Variants in ARSJ observed in about 807,000 individuals in gnomAD.
The protein encoded by ARSJ is arylsulfatase J.
A neutral mutation model predicts 35.9 loss-of-function variants in ARSJ; 26 were observed. The observed-to-expected ratio is 0.72, with a 90% CI of 0.53 to 1.00. ARSJ has a LOEUF of 1.00. Ranked by LOEUF, ARSJ falls within the 50% of genes least tolerant of loss-of-function variation. The probability of loss-of-function intolerance (pLI) is 0.00; values close to 1 mark genes in which losing one functional copy is unlikely to be tolerated. For synonymous variants in ARSJ, 294 were observed against 267.6 expected (o/e 1.10, Z -0.96); for missense variants, 667 against 723.6 (o/e 0.92, Z 0.90).
At chr4:113,973,362 G>A (rs190117052) in intron 1 of ARSJ, among the ~76,000 whole-genome samples, 51 of 152,142 alleles carry the variant, frequency 3.4e-4, no homozygotes, top group Middle Eastern at 3.4e-3. Flanking sequence ...TTAATTTATT[G>A]ACCTCAGCAC....
intron 1 of ARSJ, among the ~76,000 whole-genome samples, chr4:113,921,205 T>G (rs1723657307): frequency 6.6e-6 from 1 of 151,750 alleles, no homozygotes; most frequent in African/African-American, 2.4e-5. Flanking sequence ...CATAAAAAAT[T>G]GATTACAAGC....
Position 113,902,781 on chromosome 4 carries a change from A to AT in ARSJ, c.1292dup (p.Asn431LysfsTer53), listed in dbSNP as rs1562327720. On this transcript the variant is annotated frameshift_variant, in exon 2 of 2. Transcript: ENST00000315366. LOFTEE classifies it high-confidence loss of function. ...TCCCATAGCCTGCTGCCCAGGAGCC[A>AT]TTTTTTGCCTTGGTGTATATGGGGT... The AT allele has an allele frequency of 1.2e-6, 2 of 1,614,132 alleles. No individual in the cohort carries two copies. The highest frequency in any genetic ancestry group is 2.2e-5 in the East Asian group (1 of 44,874).
chr4:113,979,043 T>A lies in ARSJ; in HGVS notation c.-209A>T. On this transcript the variant is annotated 5_prime_UTR_variant, in exon 1 of 2. It adds an upstream start codon to the 5' untranslated region. Coordinates refer to ENST00000315366, the MANE Select transcript of ARSJ (RefSeq NM_024590.4). ...CCGGAAGAACAAGGAGGGCTCGCTC[T>A]TCTCCAGCACATTTCACTTTCTCCT... 1 of 507,336 alleles carries A rather than the reference T, an allele frequency of 2.0e-6. No individual in the cohort carries two copies. The highest frequency in any genetic ancestry group is 3.8e-5 in the South Asian group (1 of 26,464). The allele number at this position is 507,336 out of a possible 1,614,324, so 31.4% of individuals were successfully genotyped here. A position where few individuals can be genotyped will look rare whatever the true frequency, so the allele number is the denominator to read the frequency against.
At chr4:113,941,657 CT>C (rs33932676) in intron 1 of ARSJ, among the ~76,000 whole-genome samples, 54,952 of 151,686 alleles carry the variant, frequency 0.36, 10,741 homozygotes, top group African/African-American at 0.51. Context: ...CCAAATGAAA[CT>C]CTGCAGTAGA....
In ARSJ at chr4:113,902,636, A is replaced by T; in HGVS notation, c.1438T>A (p.Trp480Arg). The change falls in exon 2 of 2, where the codon TGG becomes AGG. Residue 480 changes from tryptophan (W) to arginine (R), a missense_variant. Transcript: ENST00000315366. ...GACAAGGTGATCCGTTCATTGTGCC[A>T]CCGGTTCGGTCCCAGGTTGCTGAAA... ...QSFSNLGPNR[W>R]HNERITLSTG... The T allele has an allele frequency of 6.2e-7, 1 of 1,614,100 alleles. No homozygotes were observed. Among genetic ancestry groups the T allele is most frequent in the African/African-American group, 1.3e-5 (1 of 74,994 alleles).
chr4:113,924,108 T>TAAAA (rs1190500996), intron 1 of ARSJ, among the ~76,000 whole-genome samples: 5 of 135,154 alleles, frequency 3.7e-5, no homozygotes, highest in East Asian at 4.1e-4. Context: ...TATATATATA[T>TAAAA]ATATATATAT....
chr4:113,934,345 T>C (rs1354865906), intron 1 of ARSJ, among the ~76,000 whole-genome samples: 1 of 151,770 alleles, frequency 6.6e-6, no homozygotes, highest in Non-Finnish European at 1.5e-5. Flanking sequence ...ACCCTAAGTG[T>C]TCATTAATAG....
intron 1 of ARSJ, among the ~76,000 whole-genome samples, chr4:113,907,557 G>A (rs192922618): frequency 6.6e-6 from 1 of 151,964 alleles, no homozygotes; most frequent in East Asian, 1.9e-4. Context: ...CTCTTCTCTG[G>A]CCTCCACAAG....
chr4:113,976,712 G>A (rs1463344786), intron 1 of ARSJ, among the ~76,000 whole-genome samples: 2 of 152,090 alleles, frequency 1.3e-5, no homozygotes, highest in Non-Finnish European at 2.9e-5. Flanking sequence ...TGTACTTTTT[G>A]TCTATAAAAG....
chr4:113,969,352 G>T (rs957008809), intron 1 of ARSJ, among the ~76,000 whole-genome samples: 22 of 138,098 alleles, frequency 1.6e-4, no homozygotes, highest in Non-Finnish European at 4.8e-5. Context: ...AACACATGGG[G>T]TTTAATTTTA....
Position 113,903,352 on chromosome 4 carries a change from A to G in ARSJ, c.722T>C (p.Met241Thr), listed in dbSNP as rs1438907032. 9 of 1,614,056 alleles carry G rather than the reference A, an allele frequency of 5.6e-6. No individual in the cohort carries two copies. The highest frequency in any genetic ancestry group is 2.7e-5 in the African/African-American group (2 of 74,908). ...GATTTGCTGTACTCTCTGAGTGTAC[A>G]TCTGTGTGGAGTATATGCCATTGTC... The part of the protein sequence containing the change: ...DYDNGIYSTQ[M>T]YTQRVQQILA... Residue 241 changes from methionine (M) to threonine (T), a missense_variant, in exon 2 of 2, where the codon ATG (methionine) becomes ACG (threonine). By Grantham distance (81) the Met-to-Thr change is moderately conservative. Coordinates refer to ENST00000315366, the MANE Select transcript of ARSJ (RefSeq NM_024590.4).
At chr4:113,975,204 T>C in intron 1 of ARSJ, among the ~76,000 whole-genome samples, 1 of 152,210 alleles carries the variant, frequency 6.6e-6, no homozygotes, top group East Asian at 1.9e-4. Context: ...ATTTATCAAA[T>C]ATCCTATTAG....
intron 1 of ARSJ, among the ~76,000 whole-genome samples, chr4:113,953,807 G>A (rs765897123): frequency 3.3e-5 from 5 of 151,952 alleles, no homozygotes; most frequent in African/African-American, 4.8e-5. Context: ...TAAAAGCACT[G>A]AACCTTAAAT....
rs374099155 is a variant in ARSJ at position 113,978,603 on chromosome 4, G to C, written c.232C>G (p.Leu78Val). Residue 78 changes from leucine (L) to valine (V), a missense_variant, in exon 1 of 2, where the codon CTC (leucine) becomes GTC (valine). Transcript: ENST00000315366. The stretch of plus-strand genomic sequence containing the variant: ...TGATCATCCGCTAGGATGAAAATGA[G>C]ATGGGGCTGGGAGGTGGAAGTTGTG... ...PSTTSTSQPH[L>V]IFILADDQGF... is the part of the protein sequence containing the mutation. The C allele has an allele frequency of 1.9e-4, 301 of 1,614,136 alleles. No homozygotes were observed. The highest frequency in any genetic ancestry group is 2.5e-4 in the Non-Finnish European group (290 of 1,180,050).
Position 113,903,023 on chromosome 4 carries a change from C to T in ARSJ, c.1051G>A (p.Gly351Arg). The T allele has an allele frequency of 6.2e-7, 1 of 1,614,178 alleles. No homozygotes were observed. The highest frequency in any genetic ancestry group is 8.5e-7 in the Non-Finnish European group (1 of 1,180,024). ...LRGSKGTYWE[G>R]GIRAVGFVHS... Reference sequence around the variant, plus strand: ...ACAAAGCCTACAGCCCGGATCCCTCCTTCCCAATATGTTCCTTTGCTACCT... The same window carrying T: ...ACAAAGCCTACAGCCCGGATCCCTCTTTCCCAATATGTTCCTTTGCTACCT... Residue 351 changes from glycine (G) to arginine (R), a missense_variant, in exon 2 of 2, where the codon GGA becomes AGA. By Grantham distance (125) the Gly-to-Arg change is moderately radical. Coordinates refer to ENST00000315366, the MANE Select transcript of ARSJ (RefSeq NM_024590.4).
intron 1 of ARSJ, among the ~76,000 whole-genome samples, chr4:113,974,048 G>A (rs974690855): frequency 6.6e-6 from 1 of 152,028 alleles, no homozygotes; most frequent in Non-Finnish European, 1.5e-5. Flanking sequence ...GAGACGGTAT[G>A]GTCTTTTTAA....
intron 1 of ARSJ, among the ~76,000 whole-genome samples, chr4:113,930,064 A>T (rs747814371): frequency 7.2e-5 from 11 of 152,076 alleles, no homozygotes; most frequent in Non-Finnish European, 1.3e-4. Context: ...GAAACCCCAA[A>T]ACCAGTGAAA....
chr4:113,932,739 T>C (rs1346213893), intron 1 of ARSJ, among the ~76,000 whole-genome samples: 3 of 152,016 alleles, frequency 2.0e-5, no homozygotes, highest in Admixed American at 2.0e-4. Context: ...TAGCAATAAA[T>C]GCTTATGTCA....
At chr4:113,974,179 A>G (rs1385983099) in intron 1 of ARSJ, among the ~76,000 whole-genome samples, 1 of 151,962 alleles carries the variant, frequency 6.6e-6, no homozygotes, top group Non-Finnish European at 1.5e-5. Context: ...AAACAATAAA[A>G]CTCTTAGGGA....
Sources: allele counts gnomAD v4.1 joint callset (sites outside exome capture counted in the v4.1 genomes callset), GRCh38; gene constraint gnomAD v4.1.1; transcripts MANE v1.5; gene names NCBI Gene and HGNC (gene_info 2026-07-23, HGNC 2026-07-21).